The following MALAT1 variants were observed in gnomAD, a reference collection of about 807,000 sequenced individuals.
The protein encoded by MALAT1 is metastasis associated lung adenocarcinoma transcript 1, also known as hepcarcin.
exon 3 of MALAT1, chr11:65,502,296 T>C (rs761902193): frequency 3.7e-5 from 19 of 517,092 alleles, no homozygotes; most frequent in Non-Finnish European, 6.6e-5. Context: ...TCAGGTGATT[T>C]AATAATAATT....
chr11:65,501,848 G>A, exon 3 of MALAT1: 1 of 517,258 alleles, frequency 1.9e-6, no homozygotes, highest in Non-Finnish European at 3.9e-6. Context: ...AAAGGGGAGG[G>A]GCAAATATTG....
intron 1 of MALAT1, chr11:65,498,543 G>A (rs922574466): frequency 9.6e-6 from 5 of 518,336 alleles, no homozygotes; most frequent in African/African-American, 1.9e-5. Flanking sequence ...TGTCTTGGGA[G>A]CAAGTCGCAG....
At chr11:65,499,080 A>AG (rs770831740) in exon 3 of MALAT1, 4 of 518,304 alleles carry the variant, frequency 7.7e-6, no homozygotes, top group South Asian at 2.8e-5. Flanking sequence ...GCTTCTGCTG[A>AG]GGGGGCAGGC....
chr11:65,498,489 C>A (rs754711880), intron 1 of MALAT1: 3 of 517,352 alleles, frequency 5.8e-6, no homozygotes, highest in Middle Eastern at 3.2e-4. Context: ...AGCAGACAGC[C>A]CGTGCTGCTC....
exon 3 of MALAT1, chr11:65,503,192 A>G (rs1259830751): frequency 2.0e-6 from 1 of 512,622 alleles, no homozygotes; most frequent in African/African-American, 1.9e-5. Flanking sequence ...CTGTTAACAG[A>G]TAAGTTTAAC....
exon 3 of MALAT1, chr11:65,499,778 AAGC>A (rs1370095642): frequency 2.4e-6 from 1 of 424,590 alleles, no homozygotes; most frequent in Non-Finnish European, 4.6e-6. Flanking sequence ...GAAAAGTAGG[AAGC>A]AGAAGAAAAA....
exon 3 of MALAT1, chr11:65,501,494 C>G (rs746801872): frequency 3.9e-6 from 2 of 517,622 alleles, no homozygotes; most frequent in South Asian, 2.8e-5. Flanking sequence ...TGCTTAACCC[C>G]TTAAACTTGT....
chr11:65,500,943 C>A (rs761317790), exon 3 of MALAT1: 1 of 511,528 alleles, frequency 2.0e-6, no homozygotes, highest in Admixed American at 2.0e-5. Flanking sequence ...ACTCATGAAT[C>A]TTGTCTGAAG....
chr11:65,498,732 G>C (rs746082482), exon 2 of MALAT1: 2 of 518,872 alleles, frequency 3.9e-6, no homozygotes, highest in Non-Finnish European at 7.7e-6. Flanking sequence ...AGTGCTTTAA[G>C]AGGTATTTTA....
At chr11:65,504,430 CGACTG>C (rs777427753) in intron 3 of MALAT1, 1 of 518,596 alleles carries the variant, frequency 1.9e-6, no homozygotes, top group Admixed American at 1.9e-5. Flanking sequence ...CATTGTGAAA[CGACTG>C]GAGTATGATT....
At chr11:65,497,972 G>A in intron 1 of MALAT1, 1 of 518,950 alleles carries the variant, frequency 1.9e-6, no homozygotes, top group South Asian at 1.4e-5. Context: ...GGCCATTCCA[G>A]GTGGTGGTAT....
intron 1 of MALAT1, chr11:65,498,225 C>T (rs536000823): frequency 1.9e-6 from 1 of 518,750 alleles, no homozygotes; most frequent in African/African-American, 1.9e-5. Flanking sequence ...CTTAGTTGGT[C>T]TACTTTAAAA....
chr11:65,501,074 A>G (rs753611078), exon 3 of MALAT1: 10 of 510,540 alleles, frequency 2.0e-5, no homozygotes, highest in Non-Finnish European at 3.5e-5. Flanking sequence ...AGACAATTTC[A>G]GCAAATCTGT....
chr11:65,499,338 T>C (rs149645665), exon 3 of MALAT1: 70 of 499,432 alleles, frequency 1.4e-4, no homozygotes, highest in African/African-American at 1.2e-3. Flanking sequence ...GAGTAAAAAA[T>C]GTATTTAAAA....
At chr11:65,500,733 G>T (rs1409906757) in exon 3 of MALAT1, 1 of 518,918 alleles carries the variant, frequency 1.9e-6, no homozygotes, top group Non-Finnish European at 3.8e-6. Flanking sequence ...GCATGCCAGT[G>T]TGCCAAGGCC....
At chr11:65,502,818 A>G (rs1182618029) in exon 3 of MALAT1, 1 of 509,280 alleles carries the variant, frequency 2.0e-6, no homozygotes, top group East Asian at 5.5e-5. Context: ...TTATCTGCAT[A>G]TGCCAAAAAA....
chr11:65,504,026 C>T, intron 3 of MALAT1: 1 of 517,876 alleles, frequency 1.9e-6, no homozygotes, highest in South Asian at 1.4e-5. Flanking sequence ...TGCATGTTAA[C>T]TTTAAATGCT....
At chr11:65,502,777 A>G (rs1421851373) in exon 3 of MALAT1, 2 of 515,624 alleles carry the variant, frequency 3.9e-6, no homozygotes, top group South Asian at 2.8e-5. Context: ...GAATAAGCAT[A>G]ACCCTGAGAT....
At chr11:65,499,755 T>C in exon 3 of MALAT1, 1 of 432,104 alleles carries the variant, frequency 2.3e-6, no homozygotes, top group South Asian at 1.7e-5. Context: ...AGAAAAAAGA[T>C]AAATTTAAAC....
Sources: allele counts gnomAD v4.1 joint callset, GRCh38; gene constraint gnomAD v4.1.1; transcripts MANE v1.5; gene names NCBI Gene and HGNC (gene_info 2026-07-23, HGNC 2026-07-21).